The following HYCC1 variants were observed in gnomAD, a reference collection of about 807,000 sequenced individuals.
HYCC1 encodes the protein hyccin.
the HYCC1 span, among the ~76,000 whole-genome samples, chr7:22,903,207 T>G: frequency 2.6e-5 from 4 of 152,160 alleles, no homozygotes; most frequent in African/African-American, 9.7e-5. Flanking sequence ...AATCCAGTAA[T>G]TTCACTCATA....
At chr7:23,010,652 T>A in the HYCC1 span, among the ~76,000 whole-genome samples, 1 of 152,204 alleles carries the variant, frequency 6.6e-6, no homozygotes, top group Admixed American at 6.5e-5. Flanking sequence ...GTATACTATA[T>A]GTCAATTACA....
chr7:22,933,909 T>C, the HYCC1 span, among the ~76,000 whole-genome samples: 6 of 152,174 alleles, frequency 3.9e-5, no homozygotes, highest in Non-Finnish European at 7.4e-5. Flanking sequence ...TGATACATTT[T>C]ATAGTGTCTG....
the HYCC1 span, among the ~76,000 whole-genome samples, chr7:22,997,876 G>A: frequency 6.6e-6 from 1 of 152,124 alleles, no homozygotes; most frequent in Non-Finnish European, 1.5e-5. Flanking sequence ...CTATAAAATG[G>A]TTTTTGGCTA....
the HYCC1 span, among the ~76,000 whole-genome samples, chr7:22,951,071 G>C: frequency 6.6e-6 from 1 of 151,826 alleles, no homozygotes; most frequent in African/African-American, 2.4e-5. Flanking sequence ...TTCCAAATTA[G>C]TTCTCAAAGG....
chr7:22,988,787 C>T, the HYCC1 span, among the ~76,000 whole-genome samples: 1 of 152,148 alleles, frequency 6.6e-6, no homozygotes, highest in African/African-American at 2.4e-5. Flanking sequence ...AAAATATTTA[C>T]TTATTTCTTC....
the HYCC1 span, chr7:22,960,226 G>A: frequency 2.5e-6 from 4 of 1,602,698 alleles, no homozygotes; most frequent in Non-Finnish European, 3.4e-6. Context: ...ATCAACAATG[G>A]TTTGACTTGA....
chr7:22,908,098 C>G, the HYCC1 span, among the ~76,000 whole-genome samples: 2 of 152,228 alleles, frequency 1.3e-5, no homozygotes, highest in African/African-American at 4.8e-5. Flanking sequence ...CCTCTCTTGC[C>G]TCCAAATTTT....
the HYCC1 span, among the ~76,000 whole-genome samples, chr7:22,960,746 G>A: frequency 2.0e-5 from 3 of 152,178 alleles, no homozygotes; most frequent in East Asian, 5.8e-4. Context: ...TAGGAAGTCA[G>A]TCTAATAAAA....
At chr7:22,971,317 T>C in the HYCC1 span, among the ~76,000 whole-genome samples, 1 of 148,416 alleles carries the variant, frequency 6.7e-6, no homozygotes, top group Non-Finnish European at 1.5e-5. Flanking sequence ...ATATTACATA[T>C]AATATTATTA....
the HYCC1 span, among the ~76,000 whole-genome samples, chr7:22,906,438 C>T: frequency 2.2e-4 from 34 of 152,052 alleles, no homozygotes; most frequent in African/African-American, 8.0e-4. Flanking sequence ...ATCAGCCGAG[C>T]ATGGTAGCGT....
the HYCC1 span, among the ~76,000 whole-genome samples, chr7:22,971,706 G>C: frequency 6.6e-6 from 1 of 150,470 alleles, no homozygotes; most frequent in Non-Finnish European, 1.5e-5. Flanking sequence ...AAGAGGGGCA[G>C]AGAGAAGTGG....
the HYCC1 span, among the ~76,000 whole-genome samples, chr7:22,961,841 G>GT: frequency 6.6e-6 from 1 of 151,884 alleles, no homozygotes; most frequent in African/African-American, 2.4e-5. Context: ...GTGTGCATGT[G>GT]TGTGTGTGTC....
the HYCC1 span, among the ~76,000 whole-genome samples, chr7:22,960,071 A>G: frequency 4.6e-5 from 7 of 152,212 alleles, no homozygotes; most frequent in Non-Finnish European, 7.3e-5. Context: ...TATGTGTAAC[A>G]TAAGGGGCTC....
chr7:22,953,829 A>G, the HYCC1 span, among the ~76,000 whole-genome samples: 9 of 151,834 alleles, frequency 5.9e-5, no homozygotes, highest in African/African-American at 1.9e-4. Flanking sequence ...ATAGCATTTT[A>G]GAATCTGAAA....
At chr7:23,005,807 C>G in the HYCC1 span, among the ~76,000 whole-genome samples, 4 of 152,156 alleles carry the variant, frequency 2.6e-5, no homozygotes, top group Non-Finnish European at 4.4e-5. Context: ...AACCATTCTT[C>G]CAATTTTCTA....
chr7:22,922,226 A>T, the HYCC1 span, among the ~76,000 whole-genome samples: 1 of 152,136 alleles, frequency 6.6e-6, no homozygotes, highest in Non-Finnish European at 1.5e-5. Flanking sequence ...AACTTTATGA[A>T]TAATATTAAG....
chr7:22,957,713 T>C, the HYCC1 span, among the ~76,000 whole-genome samples: 2 of 151,840 alleles, frequency 1.3e-5, no homozygotes, highest in African/African-American at 4.8e-5. Context: ...GGTGAGGGAA[T>C]AGTAGGGATA....
chr7:22,932,961 G>C, the HYCC1 span, among the ~76,000 whole-genome samples: 1 of 152,172 alleles, frequency 6.6e-6, no homozygotes, highest in Non-Finnish European at 1.5e-5. Context: ...ACTCAGGAAA[G>C]AAAGCCCTGT....
the HYCC1 span, among the ~76,000 whole-genome samples, chr7:23,004,013 A>T: frequency 1.3e-5 from 2 of 152,254 alleles, no homozygotes; most frequent in African/African-American, 2.4e-5. Flanking sequence ...TAAATAGTTC[A>T]GTATGACCAT....
Sources: allele counts gnomAD v4.1 joint callset (sites outside exome capture counted in the v4.1 genomes callset), GRCh38; gene constraint gnomAD v4.1.1; transcripts MANE v1.5; gene names NCBI Gene and HGNC (gene_info 2026-07-23, HGNC 2026-07-21).